Variants in CCDC14 observed in about 807,000 individuals in gnomAD.
The protein encoded by CCDC14 is coiled-coil domain-containing protein 14.
In CCDC14, 71 loss-of-function variants were observed where a neutral mutation model predicts 81.4. The ratio of observed to expected loss-of-function variants is 0.87; its 90% CI spans 0.72 to 1.06. CCDC14 has a LOEUF of 1.06. Among genes scored for constraint, CCDC14 ranks in the 50% least tolerant of loss-of-function variants. The pLI is 0.00. For synonymous variants in CCDC14, 332 were observed against 364.8 expected (o/e 0.91, Z 1.03); for missense variants, 1,046 against 1,047.3 (o/e 1.00, Z 0.02).
rs186728272 is a variant in CCDC14 at position 123,924,352 on chromosome 3, G to A, written c.1778+6750C>T. ...TAAAACTACCAGAAAAAAACATGAGGGAAAAGCTCCATGACACTGGTCCAG... is the reference window on the plus strand; with the variant it reads ...TAAAACTACCAGAAAAAAACATGAGAGAAAAGCTCCATGACACTGGTCCAG... On this transcript the variant is annotated intron_variant, in intron 12 of 12. Coordinates refer to ENST00000409697, the MANE Select transcript of CCDC14 (RefSeq NM_001366335.1). 1.5e-3 allele frequency among the ~76,000 whole-genome samples: 234 copies of A among 152,036 alleles called. 1 individual carries two copies. Among genetic ancestry groups the A allele is most frequent in the African/African-American group, 5.3e-3 (220 of 41,514 alleles).
downstream of CCDC14, among the ~76,000 whole-genome samples, chr3:123,911,766 G>T (rs913806636): frequency 6.6e-6 from 1 of 152,124 alleles, no homozygotes; most frequent in Admixed American, 6.6e-5. Context: ...GGGAATGTGA[G>T]CACTAGTTAC....
In CCDC14 at chr3:123,914,647, C is replaced by T; in HGVS notation, c.*132G>A. On this transcript the variant is annotated 3_prime_UTR_variant, in exon 13 of 13. Transcript: ENST00000409697. ...TCAGTGTCAATATATCTCAACAATA[C>T]ATTTATTACTTGTACAATATATTAC... The T allele has an allele frequency of 2.2e-6, 3 of 1,381,178 alleles. No homozygotes were observed. Among genetic ancestry groups the T allele is most frequent in the South Asian group, 1.9e-5 (1 of 52,828 alleles). 85.6% of individuals were successfully genotyped at this position (1,381,178 alleles called of 1,614,324 possible). A position where few individuals can be genotyped will look rare whatever the true frequency, so the allele number is the denominator to read the frequency against.
At chr3:123,959,616 G>A (rs2148974409) in intron 1 of CCDC14, among the ~76,000 whole-genome samples, 2 of 152,214 alleles carry the variant, frequency 1.3e-5, no homozygotes, top group East Asian at 3.9e-4. Flanking sequence ...GTGCTGTGCA[G>A]AAGCTTTTTA....
intron 5 of CCDC14, among the ~76,000 whole-genome samples, chr3:123,900,611 T>C (rs146557943): frequency 9.4e-4 from 143 of 152,332 alleles, no homozygotes; most frequent in Non-Finnish European, 1.6e-3. Context: ...TAATTCATGT[T>C]GCTAATAAAA....
chr3:123,895,575 C>G (rs1577192801), downstream of CCDC14, among the ~76,000 whole-genome samples: 1 of 152,094 alleles, frequency 6.6e-6, no homozygotes, highest in Non-Finnish European at 1.5e-5. Context: ...GGTCTTACCC[C>G]CAGAAATTGA....
At chr3:123,953,990 T>C (rs2037188672) in intron 5 of CCDC14, 1 of 152,164 alleles carries the variant, frequency 6.6e-6, no homozygotes, top group African/African-American at 2.4e-5. Context: ...AATTTGAGTG[T>C]TGCCATCTGT....
chr3:123,958,592 T>C (rs990328932), intron 1 of CCDC14: 1 of 152,086 alleles, frequency 6.6e-6, no homozygotes, highest in African/African-American at 2.4e-5. Context: ...ACTTTTTGCC[T>C]GAACCATTAG....
chr3:123,904,940 T>C (rs1198747275), intron 5 of CCDC14, among the ~76,000 whole-genome samples: 2 of 152,146 alleles, frequency 1.3e-5, no homozygotes, highest in Non-Finnish European at 2.9e-5. Context: ...TCATTTTACC[T>C]GATATGAAGA....
At chr3:123,956,270 T>G (rs1300189106) in intron 3 of CCDC14, 85 bp downstream of exon 3, 1 of 1,253,020 alleles carries the variant, frequency 8.0e-7, no homozygotes, top group Admixed American at 2.5e-5. Flanking sequence ...CTTAGAGCAA[T>G]TAATACTTTG....
intron 5 of CCDC14, among the ~76,000 whole-genome samples, chr3:123,900,928 T>TA (rs2034165142): frequency 2.0e-5 from 3 of 152,148 alleles, no homozygotes; most frequent in African/African-American, 7.2e-5. Context: ...AGTAAAACTA[T>TA]AAAAAATATA....
At chr3:123,889,452 A>C in the CCDC14 span, among the ~76,000 whole-genome samples, 1 of 152,212 alleles carries the variant, frequency 6.6e-6, no homozygotes, top group Non-Finnish European at 1.5e-5. Flanking sequence ...CAAAGGGGCT[A>C]CAGGCCTCAT....
At chr3:123,946,045 G>A (rs1403483485) in intron 8 of CCDC14, among the ~76,000 whole-genome samples, 1 of 151,860 alleles carries the variant, frequency 6.6e-6, no homozygotes, top group African/African-American at 2.4e-5. Flanking sequence ...CTGTGAAAAT[G>A]GTAATAAGTT....
chr3:123,946,781 G>C, intron 8 of CCDC14, 22 bp downstream of exon 8: 1 of 1,595,256 alleles, frequency 6.3e-7, no homozygotes, highest in Admixed American at 1.7e-5. Context: ...CCATACTACA[G>C]AAAGTTATAA....
chr3:123,895,539 A>G (rs1418922847), downstream of CCDC14, among the ~76,000 whole-genome samples: 1 of 152,188 alleles, frequency 6.6e-6, no homozygotes, highest in African/African-American at 2.4e-5. Flanking sequence ...AAAACAGAAC[A>G]AAACAAAACA....
chr3:123,914,633 A>T lies in CCDC14; in HGVS notation c.*146T>A. The T allele has an allele frequency of 7.4e-7, 1 of 1,348,988 alleles. No homozygotes were observed. The allele number at this position is 1,348,988 out of a possible 1,614,324, so 83.6% of individuals were successfully genotyped here. A position where few individuals can be genotyped will look rare whatever the true frequency, so the allele number is the denominator to read the frequency against. ...TTTTTATAAGCTCCTCAGTGTCAATATATCTCAACAATACATTTATTACTT... is the reference window on the plus strand; with the variant it reads ...TTTTTATAAGCTCCTCAGTGTCAATTTATCTCAACAATACATTTATTACTT... On this transcript the variant is annotated 3_prime_UTR_variant, in exon 13 of 13. Coordinates refer to ENST00000409697, the MANE Select transcript of CCDC14 (RefSeq NM_001366335.1).
chr3:123,947,081 G>A lies in CCDC14; in HGVS notation c.923C>T (p.Ser308Phe), dbSNP rs2036674732. 1.2e-6 allele frequency: 2 copies of A among 1,613,870 alleles called. No individual in the cohort carries two copies. Among genetic ancestry groups the A allele is most frequent in the Admixed American group, 1.7e-5 (1 of 59,996 alleles). Residue 308 changes from serine (S) to phenylalanine (F), a missense_variant, in exon 8 of 13, where the codon TCT becomes TTT. Coordinates refer to ENST00000409697, the MANE Select transcript of CCDC14 (RefSeq NM_001366335.1). ...TTCTTTTCCATGAGATCGAAAAAGA[G>A]ACAAATATGTTTGAATACATTTTAG... is the stretch of plus-strand genomic sequence containing the variant. ...DLLKCIQTYL[S>F]LFRSHGKETH...
At chr3:123,906,886 G>A (rs983680376) in intron 5 of CCDC14, among the ~76,000 whole-genome samples, 2 of 152,182 alleles carry the variant, frequency 1.3e-5, no homozygotes, top group African/African-American at 4.8e-5. Context: ...CTTCATTTCT[G>A]AGATGGTGTA....
chr3:123,930,874 G>A, intron 12 of CCDC14: 1 of 435,614 alleles, frequency 2.3e-6, no homozygotes, highest in Non-Finnish European at 4.0e-6. Flanking sequence ...TTCTCATCAG[G>A]ACCCCCTGCC....
chr3:123,923,028 TCAA>T (rs1208707237), intron 12 of CCDC14, among the ~76,000 whole-genome samples: 8 of 151,998 alleles, frequency 5.3e-5, no homozygotes, highest in Non-Finnish European at 7.4e-5. Flanking sequence ...TAAAAAACCC[TCAA>T]CAAAATACTA....
Sources: allele counts gnomAD v4.1 joint callset (sites outside exome capture counted in the v4.1 genomes callset), GRCh38; gene constraint gnomAD v4.1.1; transcripts MANE v1.5; gene names NCBI Gene and HGNC (gene_info 2026-07-23, HGNC 2026-07-21).